The following MSH3 variants were observed in gnomAD, a reference collection of about 807,000 sequenced individuals.
MSH3 encodes mutS homolog 3.
A neutral mutation model predicts 123.3 loss-of-function variants in MSH3; 106 were observed. The observed-to-expected ratio is 0.86, with a 90% CI of 0.73 to 1.01. The LOEUF is 1.01. Ranked by LOEUF, MSH3 falls within the 50% of genes least tolerant of loss-of-function variation. MSH3 has a pLI of 0.00. For synonymous variants in MSH3, 515 were observed against 481.4 expected, an observed-to-expected ratio of 1.07 and a Z score of -0.91; for missense variants, 1,459 against 1,347.6, an observed-to-expected ratio of 1.08 and a Z score of -1.29.
intron 12 of MSH3, among the ~76,000 whole-genome samples, chr5:80,756,034 A>T (rs528076701): frequency 1.3e-5 from 2 of 152,316 alleles, no homozygotes; most frequent in South Asian, 2.1e-4. Context: ...AGTTAAAAAA[A>T]TACAAAATAG....
chr5:80,709,159 T>G (rs1378456942), intron 8 of MSH3, among the ~76,000 whole-genome samples: 2 of 151,946 alleles, frequency 1.3e-5, no homozygotes, highest in African/African-American at 4.8e-5. Context: ...AATCTACCAT[T>G]TCAGCTTCTT....
chr5:80,668,510 G>A (rs1459737836), intron 3 of MSH3, among the ~76,000 whole-genome samples: 2 of 152,278 alleles, frequency 1.3e-5, no homozygotes, highest in Admixed American at 6.5e-5. Context: ...AAAGTCCAGA[G>A]GGGGCCGAGG....
At chr5:80,760,719 C>T (rs6151787) in intron 12 of MSH3, among the ~76,000 whole-genome samples, 6 of 152,186 alleles carry the variant, frequency 3.9e-5, no homozygotes, top group South Asian at 2.1e-4. Context: ...GTAACAGATC[C>T]GGGAATGGTG....
chr5:80,789,338 A>C (rs1456449576), intron 18 of MSH3, among the ~76,000 whole-genome samples: 2 of 151,800 alleles, frequency 1.3e-5, no homozygotes, highest in Non-Finnish European at 2.9e-5. Context: ...AGATGATTTC[A>C]AAGTATTTAC....
intron 12 of MSH3, among the ~76,000 whole-genome samples, chr5:80,758,080 G>A (rs1441486324): frequency 6.6e-6 from 1 of 152,124 alleles, no homozygotes; most frequent in South Asian, 2.1e-4. Flanking sequence ...GCAACCTACT[G>A]TCCAGTCTCA....
rs1580051170 is a variant in MSH3, at chr5:80,787,653, A to G, written c.2524A>G (p.Lys842Glu). ...DCIFSLAKVA[K>E]QGDYCRPTVQ... ...CATTTTCTCCCTGGCCAAGGTCGCTAAGCAAGGAGATTACTGCAGGTAAGA... is the reference window on the plus strand; with the variant it reads ...CATTTTCTCCCTGGCCAAGGTCGCTGAGCAAGGAGATTACTGCAGGTAAGA... The change falls in exon 18 of 24, where the codon AAG (lysine) becomes GAG (glutamate). Residue 842 changes from lysine to glutamate, a missense_variant. Transcript: ENST00000265081. 2 of 1,613,312 alleles carry G rather than the reference A, an allele frequency of 1.2e-6. No homozygotes were observed. The highest frequency in any genetic ancestry group is 1.7e-6 in the Non-Finnish European group (2 of 1,179,318).
chr5:80,858,988 T>G (rs898432751), intron 21 of MSH3, among the ~76,000 whole-genome samples: 3 of 152,126 alleles, frequency 2.0e-5, no homozygotes, highest in Non-Finnish European at 4.4e-5. Context: ...TATAATATCC[T>G]TCTTTATCCC....
chr5:80,721,112 C>A (rs1233132361), intron 8 of MSH3, among the ~76,000 whole-genome samples: 1 of 152,152 alleles, frequency 6.6e-6, no homozygotes, highest in Non-Finnish European at 1.5e-5. Flanking sequence ...GGATATCTTA[C>A]AATATATATT....
intron 22 of MSH3, among the ~76,000 whole-genome samples, chr5:80,869,787 CATATATACAT>C (rs1256203569): frequency 7.2e-6 from 1 of 138,242 alleles, no homozygotes; most frequent in Admixed American, 7.7e-5. Context: ...TATATGTATA[CATATATACAT>C]ATATATACAT....
chr5:80,654,823 A>C lies in MSH3; in HGVS notation c.96A>C (p.Gly32=), dbSNP rs145429648. The C allele has an allele frequency of 8.3e-5, 134 of 1,605,554 alleles. No individual in the cohort carries two copies. The highest frequency in any genetic ancestry group is 1.3e-4 in the Admixed American group (8 of 59,260). The change falls in exon 1 of 24, where the codon GGA becomes GGC. Residue 32 remains glycine, a synonymous_variant. Transcript: ENST00000265081. The part of the protein sequence containing the change: ...AVLSRFFQST[G]SLKSTSSSTG... Reference sequence around the variant, plus strand: ...TGAGCCGATTCTTCCAGTCTACGGGAAGCCTGAAATCCACCTCCTCCTCCA... The same window carrying C: ...TGAGCCGATTCTTCCAGTCTACGGGCAGCCTGAAATCCACCTCCTCCTCCA...
rs531808661 is a variant in MSH3, at chr5:80,827,014, A to G, written c.2813+13273A>G. Among the ~76,000 whole-genome samples the G allele has an allele frequency of 8.3e-4, 126 of 152,298 alleles. 1 individual carries two copies. The highest frequency in any genetic ancestry group is 2.8e-3 in the African/African-American group (118 of 41,558). On this transcript the variant is annotated intron_variant, in intron 20 of 23. Transcript: ENST00000265081. ...TCATCGATGAAATATTTCTAGACCC[A>G]TATTTCCAAGGATCATTAACATCCT...
intron 16 of MSH3, among the ~76,000 whole-genome samples, chr5:80,778,100 T>A (rs1744337343): frequency 6.6e-6 from 1 of 152,146 alleles, no homozygotes; most frequent in African/African-American, 2.4e-5. Flanking sequence ...ACCCATGGCA[T>A]CCCCTGTTGT....
In MSH3 at chr5:80,719,102, C is replaced by A. The variant is rs572291769; in HGVS notation, c.1341-6351C>A. 2.7e-5 allele frequency among the ~76,000 whole-genome samples: 4 copies of A among 150,122 alleles called. No homozygotes were observed. The East Asian group carries it at 7.9e-4, about 29-fold the overall frequency. On this transcript the variant is annotated intron_variant, in intron 8 of 23. Transcript: ENST00000265081. The stretch of plus-strand genomic sequence containing the variant: ...CTTACTCTGTCGCCAGGCTGGAGTA[C>A]AGTGGTGCGATCTCGGCTCAGTGCA...
At chr5:80,837,493 G>A (rs948307472) in intron 20 of MSH3, among the ~76,000 whole-genome samples, 7 of 152,014 alleles carry the variant, frequency 4.6e-5, no homozygotes, top group African/African-American at 1.4e-4. Context: ...GTGGGAGTTC[G>A]CTTGAACCTG....
At chr5:80,678,135 C>T (rs2112818375) in intron 7 of MSH3, among the ~76,000 whole-genome samples, 1 of 152,270 alleles carries the variant, frequency 6.6e-6, no homozygotes, top group Non-Finnish European at 1.5e-5. Context: ...TTAGCTAATG[C>T]AGCCTGTAAC....
intron 21 of MSH3, among the ~76,000 whole-genome samples, chr5:80,863,726 C>T (rs1005602701): frequency 1.3e-5 from 2 of 151,768 alleles, no homozygotes; most frequent in Admixed American, 6.6e-5. Context: ...CAAGCAGGGG[C>T]TTCCAGGCTA....
chr5:80,812,022 T>C (rs985911141), intron 19 of MSH3, among the ~76,000 whole-genome samples: 9 of 149,096 alleles, frequency 6.0e-5, no homozygotes, highest in South Asian at 2.1e-4. Context: ...CAGGTTCTTA[T>C]TGTGTTAAGC....
intron 20 of MSH3, among the ~76,000 whole-genome samples, chr5:80,840,883 T>C (rs1313235987): frequency 1.4e-5 from 2 of 147,876 alleles, no homozygotes; most frequent in Admixed American, 6.8e-5. Flanking sequence ...GTGTGCCACA[T>C]TTTTTTTTAA....
chr5:80,671,809 T>A (rs1371528600), intron 4 of MSH3, among the ~76,000 whole-genome samples: 1 of 152,214 alleles, frequency 6.6e-6, no homozygotes, highest in Non-Finnish European at 1.5e-5. Context: ...TTTCTCTTTT[T>A]ACTTTTTCAA....
Sources: gnomAD v4.1 joint callset for allele counts (sites outside exome capture counted in the v4.1 genomes callset) on GRCh38, gnomAD v4.1.1 for gene constraint, MANE v1.5 for transcripts, NCBI Gene and HGNC (gene_info 2026-07-23, HGNC 2026-07-21) for gene names.